Variants in ARHGAP20 observed in about 807,000 individuals in gnomAD.
ARHGAP20 encodes Rho GTPase activating protein 20, also known as rho GTPase-activating protein 20.
ARHGAP20 carries 34 observed loss-of-function variants against 73.7 expected under a neutral mutation model. That is an observed-to-expected ratio of 0.46 (90% CI 0.35 to 0.61). The LOEUF (loss-of-function observed/expected upper bound fraction) is 0.61, where lower values mean the gene tolerates loss of function less well. Ranked by LOEUF, ARHGAP20 falls within the 20% of genes least tolerant of loss-of-function variation. The pLI, the probability that ARHGAP20 is intolerant of heterozygous loss-of-function variation, is 0.00. For synonymous variants in ARHGAP20, 523 were observed against 518.2 expected (o/e 1.01, Z -0.13); for missense variants, 1,314 against 1,420.9 (o/e 0.92, Z 1.21).
At chr11:110,695,657 A>G (rs1182072085) in intron 1 of ARHGAP20, among the ~76,000 whole-genome samples, 2 of 151,750 alleles carry the variant, frequency 1.3e-5, no homozygotes, top group Admixed American at 6.6e-5. Flanking sequence ...TAGGACGACT[A>G]TAATAAAAAA....
At chr11:110,657,304 A>G (rs893941440) in intron 2 of ARHGAP20, among the ~76,000 whole-genome samples, 1 of 152,186 alleles carries the variant, frequency 6.6e-6, no homozygotes, top group African/African-American at 2.4e-5. Flanking sequence ...AGTTATCAGG[A>G]CAAGAGAATA....
At chr11:110,594,705 G>A (rs568104993) in intron 9 of ARHGAP20, among the ~76,000 whole-genome samples, 102 of 152,152 alleles carry the variant, frequency 6.7e-4, no homozygotes, top group African/African-American at 2.4e-3. Flanking sequence ...AATTCTACCA[G>A]AGGTACAAGG....
intron 2 of ARHGAP20, among the ~76,000 whole-genome samples, chr11:110,669,212 C>T (rs775630421): frequency 2.0e-5 from 3 of 151,902 alleles, no homozygotes; most frequent in Non-Finnish European, 4.4e-5. Flanking sequence ...TGCCATATGC[C>T]CAGCAAGGCA....
rs553730352 is a variant in ARHGAP20, at chr11:110,633,704, C to T, written c.189-2912G>A. ...TATTCTGACATAACCCGTTGTAAGTCGAGGAGCATCTGCACATTTTAGAGA... is the reference window on the plus strand; with the variant it reads ...TATTCTGACATAACCCGTTGTAAGTTGAGGAGCATCTGCACATTTTAGAGA... On this transcript the variant is annotated intron_variant, in intron 2 of 14. Coordinates refer to ENST00000683387, the MANE Select transcript of ARHGAP20 (RefSeq NM_001384657.1). Among the ~76,000 whole-genome samples, 19 of 152,216 alleles carry T rather than the reference C, an allele frequency of 1.2e-4. 1 individual carries two copies. Among genetic ancestry groups the T allele is most frequent in the Admixed American group, 4.6e-4 (7 of 15,262 alleles).
chr11:110,615,682 A>G, intron 4 of ARHGAP20, 88 bp from the exon 5 acceptor site: 7 of 1,209,982 alleles, frequency 5.8e-6, no homozygotes, highest in Non-Finnish European at 7.2e-6. Context: ...AGATGAAAAT[A>G]TCAACAACCT....
Position 110,579,528 on chromosome 11 carries a change from G to A in ARHGAP20, c.3418C>T (p.His1140Tyr). ...TGACTACCAGGCTCTATTTCCTCATGTGACTTCATGCACAGCTTAAGTCTG... is the reference window on the plus strand; with the variant it reads ...TGACTACCAGGCTCTATTTCCTCATATGACTTCATGCACAGCTTAAGTCTG... Reference protein sequence around the residue: ...ESRLKLCMKSHEEIEPGSQSS... With the variant: ...ESRLKLCMKSYEEIEPGSQSS... Residue 1140 changes from histidine to tyrosine, a missense_variant, in exon 15 of 15, where the codon CAT (histidine) becomes TAT (tyrosine). This residue lies in a region of ARHGAP20 where 641 missense variants were observed against 636.9 expected (regional missense o/e 1.01). Transcript: ENST00000683387. The A allele has an allele frequency of 6.2e-7, 1 of 1,614,128 alleles. No homozygotes were observed. The highest frequency in any genetic ancestry group is 8.5e-7 in the Non-Finnish European group (1 of 1,180,026).
At chr11:110,617,816 C>T (rs1938729570) in intron 4 of ARHGAP20, among the ~76,000 whole-genome samples, 1 of 152,070 alleles carries the variant, frequency 6.6e-6, no homozygotes, top group South Asian at 2.1e-4. Flanking sequence ...TTTATAAATA[C>T]TTAAACCCAT....
At chr11:110,597,409 G>A (rs1330230342) in intron 9 of ARHGAP20, among the ~76,000 whole-genome samples, 1 of 151,928 alleles carries the variant, frequency 6.6e-6, no homozygotes, top group Non-Finnish European at 1.5e-5. Context: ...ATGTGAATAT[G>A]TATTTAATAT....
chr11:110,623,120 TC>T, intron 4 of ARHGAP20, among the ~76,000 whole-genome samples: 1 of 152,158 alleles, frequency 6.6e-6, no homozygotes. Flanking sequence ...ATTTTTTTTT[TC>T]CAAATCAGTT....
At position 110,661,794 on chromosome 11, in the gene ARHGAP20, G is replaced by T. The variant is rs1033130539; in HGVS notation, c.188+28753C>A. 4.6e-5 allele frequency among the ~76,000 whole-genome samples: 7 copies of T among 152,136 alleles called. No individual in the cohort carries two copies. The South Asian group carries it at 1.2e-3, about 27-fold the overall frequency. On this transcript the variant is annotated intron_variant, in intron 2 of 14. Transcript: ENST00000683387. ...AAACAGATATTCTTCTACGTCACTA[G>T]CAAGAATGGGAATGGTACAACCCTT...
chr11:110,595,993 G>A (rs1947949371), intron 9 of ARHGAP20, among the ~76,000 whole-genome samples: 1 of 151,998 alleles, frequency 6.6e-6, no homozygotes, highest in Non-Finnish European at 1.5e-5. Flanking sequence ...AATGCCACAT[G>A]TCTACAACTA....
chr11:110,619,416 T>G (rs1483412037), intron 4 of ARHGAP20, among the ~76,000 whole-genome samples: 2 of 151,650 alleles, frequency 1.3e-5, no homozygotes, highest in Non-Finnish European at 2.9e-5. Context: ...ATAGAGTATA[T>G]GCAGTGGTAG....
intron 6 of ARHGAP20, among the ~76,000 whole-genome samples, chr11:110,611,661 G>A (rs995945883): frequency 3.3e-5 from 5 of 152,168 alleles, no homozygotes; most frequent in African/African-American, 9.6e-5. Context: ...ATATTTCAGA[G>A]AGAGTACATG....
intron 2 of ARHGAP20, among the ~76,000 whole-genome samples, chr11:110,665,631 T>C (rs1365167750): frequency 6.6e-6 from 1 of 152,082 alleles, no homozygotes. Context: ...CCAACTTAGA[T>C]AGAATTCACA....
intron 2 of ARHGAP20, among the ~76,000 whole-genome samples, chr11:110,643,351 T>C (rs1049381252): frequency 1.3e-5 from 2 of 152,142 alleles, no homozygotes; most frequent in African/African-American, 4.8e-5. Flanking sequence ...TTCCTCTAGA[T>C]GTGACGTTAG....
At chr11:110,604,686 G>A (rs998668864) in intron 9 of ARHGAP20, among the ~76,000 whole-genome samples, 2 of 152,018 alleles carry the variant, frequency 1.3e-5, no homozygotes, top group South Asian at 2.1e-4. Flanking sequence ...CAAGGGGAAC[G>A]AAAAATTTTA....
At chr11:110,598,328 A>G (rs146385585) in intron 9 of ARHGAP20, among the ~76,000 whole-genome samples, 2,658 of 152,306 alleles carry the variant, frequency 0.017, 40 homozygotes, top group Middle Eastern at 0.034. Flanking sequence ...TACTTTGGGC[A>G]TAGAGCTGGG....
Position 110,712,135 on chromosome 11 carries a change from T to A in ARHGAP20, c.97A>T (p.Thr33Ser). 1 of 1,355,750 alleles carries A rather than the reference T, an allele frequency of 7.4e-7. No individual in the cohort carries two copies. Among genetic ancestry groups the A allele is most frequent in the South Asian group, 2.3e-5 (1 of 43,096 alleles). 84.0% of individuals were successfully genotyped at this position (1,355,750 alleles called of 1,614,324 possible). Residue 33 changes from threonine to serine, a missense_variant, in exon 1 of 15, where the codon ACC becomes TCC. Coordinates refer to ENST00000683387, the MANE Select transcript of ARHGAP20 (RefSeq NM_001384657.1). Reference sequence around the variant, plus strand: ...CCGCTCAGCGTCCTCACCTTCTTGGTGCAGCTGCCTCCCGCGAGCCGAGAC... The same window carrying A: ...CCGCTCAGCGTCCTCACCTTCTTGGAGCAGCTGCCTCCCGCGAGCCGAGAC... ...GVSRLAGGSC[T>S]KKKMKTLAER...
intron 1 of ARHGAP20, among the ~76,000 whole-genome samples, chr11:110,710,759 C>T (rs1441313521): frequency 1.3e-5 from 2 of 152,150 alleles, no homozygotes; most frequent in Non-Finnish European, 2.9e-5. Context: ...CTTGGGAACT[C>T]CCACACATTT....
Sources: gnomAD v4.1 joint callset for allele counts (sites outside exome capture counted in the v4.1 genomes callset) on GRCh38, gnomAD v4.1.1 for gene constraint, gnomAD v4.1.1 regional missense constraint, MANE v1.5 for transcripts, NCBI Gene and HGNC (gene_info 2026-07-23, HGNC 2026-07-21) for gene names.